The following ARHGEF10 variants were observed in gnomAD, a reference collection of about 807,000 sequenced individuals.
ARHGEF10 encodes the protein Rho guanine nucleotide exchange factor (GEF) 10.
ARHGEF10 carries 140 observed loss-of-function variants against 147.4 expected under a neutral mutation model. The observed-to-expected ratio is 0.95, with a 90% CI of 0.83 to 1.09. The LOEUF (loss-of-function observed/expected upper bound fraction) is 1.09, where lower values mean the gene tolerates loss of function less well. Ranked by LOEUF, ARHGEF10 falls within the 50% of genes least tolerant of loss-of-function variation. ARHGEF10 has a pLI of 0.00. For missense variants in ARHGEF10, 2,222 were observed against 1,752.7 expected, an observed-to-expected ratio of 1.27 and a Z score of -4.78; for synonymous variants, 902 against 695.8, an observed-to-expected ratio of 1.30 and a Z score of -4.67.
At position 1,950,310 on chromosome 8, in the gene ARHGEF10, C is replaced by A. The variant is rs192445919; in HGVS notation, c.3398-2395C>A. Among the ~76,000 whole-genome samples, 8 of 152,292 alleles carry A rather than the reference C, an allele frequency of 5.3e-5. No individual in the cohort carries two copies. In the East Asian group the frequency reaches 5.8e-4, roughly 11 times the overall value. On this transcript the variant is annotated intron_variant, in intron 27 of 28. Coordinates refer to ENST00000349830, the MANE Select transcript of ARHGEF10 (RefSeq NM_014629.4). ...GACGCCTGGATAGCGGCACTCACCGCAGCCTCTGGAATCGGAAAATGACCG... is the reference window on the plus strand; with the variant it reads ...GACGCCTGGATAGCGGCACTCACCGAAGCCTCTGGAATCGGAAAATGACCG...
At chr8:1,916,589 G>A (rs181535977) in intron 18 of ARHGEF10, among the ~76,000 whole-genome samples, 9 of 152,294 alleles carry the variant, frequency 5.9e-5, no homozygotes, top group East Asian at 3.9e-4. Flanking sequence ...AGGAGCTGCC[G>A]TAACGTGTCC....
At chr8:1,896,476 T>C (rs1487802251) in intron 14 of ARHGEF10, 27 bp downstream of exon 14, 1 of 1,466,116 alleles carries the variant, frequency 6.8e-7, no homozygotes, top group Non-Finnish European at 9.6e-7. Flanking sequence ...TTCATTTGGG[T>C]TTTAACACCA....
chr8:1,848,041 T>C (rs13253520), intron 2 of ARHGEF10, among the ~76,000 whole-genome samples: 95,900 of 152,136 alleles, frequency 0.63, 30,753 homozygotes, highest in Non-Finnish European at 0.7. Context: ...TCTCCAGGGC[T>C]GGCGGCCAGT....
intron 1 of ARHGEF10, among the ~76,000 whole-genome samples, chr8:1,829,730 C>T (rs1186874919): frequency 6.6e-6 from 1 of 152,168 alleles, no homozygotes; most frequent in Non-Finnish European, 1.5e-5. Flanking sequence ...CAGCTGGAGT[C>T]TAAACGAGCG....
intron 4 of ARHGEF10, among the ~76,000 whole-genome samples, chr8:1,862,060 G>A (rs1460816308): frequency 6.6e-6 from 1 of 152,188 alleles, no homozygotes; most frequent in African/African-American, 2.4e-5. Flanking sequence ...GGAGCAGGTG[G>A]TTCTCCGGTT....
intron 2 of ARHGEF10, among the ~76,000 whole-genome samples, chr8:1,852,743 G>C (rs980551090): frequency 5.9e-5 from 9 of 152,212 alleles, no homozygotes; most frequent in African/African-American, 2.2e-4. Flanking sequence ...CTTAATTGAT[G>C]AGCCAATTAC....
chr8:1,876,170 C>A (rs1360159710), intron 7 of ARHGEF10: 2 of 273,112 alleles, frequency 7.3e-6, no homozygotes, highest in South Asian at 4.6e-5. Flanking sequence ...ACATGCCTAT[C>A]ATCTGTCCAC....
At chr8:1,906,450 T>C (rs1810898467) in intron 17 of ARHGEF10, among the ~76,000 whole-genome samples, 3 of 152,174 alleles carry the variant, frequency 2.0e-5, no homozygotes, top group African/African-American at 7.2e-5. Context: ...CACGATGTGT[T>C]AGGAGCCTGT....
chr8:1,843,531 TG>T, intron 2 of ARHGEF10, 95 bp downstream of exon 2: 1 of 924,458 alleles, frequency 1.1e-6, no homozygotes. Flanking sequence ...TGCTGGTCAC[TG>T]GGGTATGGGG....
intron 3 of ARHGEF10, 49 bp downstream of exon 3, chr8:1,858,164 G>C: frequency 6.4e-6 from 10 of 1,563,998 alleles, no homozygotes; most frequent in Non-Finnish European, 8.7e-6. Flanking sequence ...GGGTCCCCAG[G>C]TGAGTCCCCA....
intron 17 of ARHGEF10, among the ~76,000 whole-genome samples, chr8:1,906,523 C>T (rs1372916988): frequency 2.0e-5 from 3 of 152,268 alleles, no homozygotes; most frequent in East Asian, 3.9e-4. Flanking sequence ...CCCTATTTTT[C>T]ATGCCCGTCG....
At chr8:1,860,539 T>A (rs1256570721) in intron 4 of ARHGEF10, among the ~76,000 whole-genome samples, 2 of 150,720 alleles carry the variant, frequency 1.3e-5, no homozygotes, top group African/African-American at 4.9e-5. Flanking sequence ...CCCACCCAGG[T>A]CATTAGATGT....
chr8:1,923,775 T>A lies in ARHGEF10; in HGVS notation c.2389T>A (p.Ser797Thr), dbSNP rs949510666. 6.2e-7 allele frequency: 1 copy of A among 1,614,092 alleles called. No homozygotes were observed. The highest frequency in any genetic ancestry group is 1.3e-5 in the African/African-American group (1 of 74,934). Residue 797 changes from serine to threonine, a missense_variant and splice_region_variant, in exon 21 of 29, where the codon TCT (serine) becomes ACT (threonine). Ser to Thr is a moderately conservative substitution (Grantham distance 58). Coordinates refer to ENST00000349830, the MANE Select transcript of ARHGEF10 (RefSeq NM_014629.4). The stretch of plus-strand genomic sequence containing the variant: ...ATGCTTGTCTGTTGTTTCTGGCAGA[T>A]CTGGGCGACCGACGTTCTTTACAGC... Reference protein sequence around the residue: ...QLQLPGKQDKSGRPTFFTAVF... With the variant: ...QLQLPGKQDKTGRPTFFTAVF...
chr8:1,942,718 A>T (rs1814206569), intron 26 of ARHGEF10, among the ~76,000 whole-genome samples: 1 of 152,208 alleles, frequency 6.6e-6, no homozygotes, highest in Admixed American at 6.5e-5. Flanking sequence ...GACAAACAGA[A>T]TGTGGTTCCT....
At chr8:1,895,692 C>T (rs1450027635) in intron 13 of ARHGEF10, among the ~76,000 whole-genome samples, 1 of 152,114 alleles carries the variant, frequency 6.6e-6, no homozygotes. Context: ...GAAAACATTC[C>T]TGCTATCAAT....
At chr8:1,869,904 G>A (rs1441689075) in intron 7 of ARHGEF10, 1 of 157,402 alleles carries the variant, frequency 6.4e-6, no homozygotes. Context: ...CAGTCCTTTA[G>A]AAAGGGCGAT....
chr8:1,826,356 G>A (rs1391311101), intron 1 of ARHGEF10, among the ~76,000 whole-genome samples: 6 of 150,136 alleles, frequency 4.0e-5, no homozygotes, highest in African/African-American at 1.5e-4. Flanking sequence ...TTGTGTATGT[G>A]TTTGTGTTTG....
intron 7 of ARHGEF10, chr8:1,869,471 T>A (rs1221190566): frequency 6.0e-6 from 4 of 669,248 alleles, no homozygotes; most frequent in Non-Finnish European, 1.1e-5. Flanking sequence ...ATCTTACTTA[T>A]CCCAAGCAAA....
chr8:1,925,430 C>T lies in ARHGEF10; in HGVS notation c.2610+26C>T, dbSNP rs530179037. 3.1e-4 allele frequency: 496 copies of T among 1,612,730 alleles called. 7 individuals are homozygous for T. The South Asian group carries it at 4.9e-3, about 16-fold the overall frequency. The stretch of plus-strand genomic sequence containing the variant: ...GTGAAGGGAGGCAGGGCCCGCGGCC[C>T]GGGGTGGGACGCACCTCGCAGCTCT... On this transcript the variant is annotated intron_variant, in intron 22 of 28. Transcript: ENST00000349830.
Sources: gnomAD v4.1 joint callset for allele counts (sites outside exome capture counted in the v4.1 genomes callset) on GRCh38, gnomAD v4.1.1 for gene constraint, MANE v1.5 for transcripts, NCBI Gene and HGNC (gene_info 2026-07-23, HGNC 2026-07-21) for gene names.